Variants in RAP1A observed in about 807,000 individuals in gnomAD.
RAP1A encodes the protein RAP1A, member of RAS oncogene family, also known as ras-related protein Rap-1A.
In RAP1A, 6 loss-of-function variants were observed where a neutral mutation model predicts 26.4. That is an observed-to-expected ratio of 0.23 (90% CI 0.12 to 0.45). RAP1A has a LOEUF of 0.45. RAP1A is among the 20% of genes least tolerant of loss of function. The probability of loss-of-function intolerance (pLI) is 0.99; values close to 1 mark genes in which losing one functional copy is unlikely to be tolerated. For synonymous variants in RAP1A, 73 were observed against 79.4 expected, an observed-to-expected ratio of 0.92 and a Z score of 0.43; for missense variants, 121 against 217.2, an observed-to-expected ratio of 0.56 and a Z score of 2.78.
intron 1 of RAP1A, among the ~76,000 whole-genome samples, chr1:111,672,876 GT>G (rs1661017268): frequency 6.6e-6 from 1 of 152,106 alleles, no homozygotes; most frequent in Non-Finnish European, 1.5e-5. Flanking sequence ...TTCCCACTGT[GT>G]TTGGCATTCA....
intron 1 of RAP1A, among the ~76,000 whole-genome samples, chr1:111,548,605 G>T (rs1319393205): frequency 6.6e-6 from 1 of 152,184 alleles, no homozygotes; most frequent in Non-Finnish European, 1.5e-5. Flanking sequence ...ATTGACTATT[G>T]TTTCTGCTGT....
At chr1:111,620,077 G>T in intron 1 of RAP1A, 143 bp downstream of exon 1, 1 of 392,910 alleles carries the variant, frequency 2.5e-6, no homozygotes, top group Non-Finnish European at 4.5e-6. Flanking sequence ...TGTCGGGGCG[G>T]CGGCCCGGGG....
chr1:111,666,948 A>AGATAGGGATATGGAGCAG (rs1356680210), intron 1 of RAP1A, among the ~76,000 whole-genome samples: 22 of 152,358 alleles, frequency 1.4e-4, no homozygotes, highest in African/African-American at 5.3e-4. Flanking sequence ...ATATGGAGCA[A>AGATAGGGATATGGAGCAG]GATGAAGTGG....
At chr1:111,687,208 ATTT>A (rs35277322) in intron 1 of RAP1A, among the ~76,000 whole-genome samples, 18 of 131,278 alleles carry the variant, frequency 1.4e-4, no homozygotes, top group East Asian at 1.1e-3. Context: ...ATTGAGTTGA[ATTT>A]TTTTTTTTTT....
chr1:111,557,558 A>C (rs79302430), intron 1 of RAP1A, among the ~76,000 whole-genome samples: 15,953 of 151,798 alleles, frequency 0.11, 2,121 homozygotes, highest in African/African-American at 0.31. Context: ...AAAAAAAAAA[A>C]CTTACAAAAA....
At chr1:111,581,941 C>G (rs1658265410) in intron 1 of RAP1A, among the ~76,000 whole-genome samples, 1 of 152,204 alleles carries the variant, frequency 6.6e-6, no homozygotes, top group Non-Finnish European at 1.5e-5. Flanking sequence ...GAGATATTAG[C>G]TCCATTAACT....
At chr1:111,638,665 A>G (rs1172125980) in intron 1 of RAP1A, among the ~76,000 whole-genome samples, 2 of 152,122 alleles carry the variant, frequency 1.3e-5, no homozygotes, top group Admixed American at 6.5e-5. Flanking sequence ...GGCTCAAGCC[A>G]TTCACCCACC....
At chr1:111,633,287 A>G (rs1466053041) in intron 1 of RAP1A, among the ~76,000 whole-genome samples, 1 of 152,208 alleles carries the variant, frequency 6.6e-6, no homozygotes, top group Non-Finnish European at 1.5e-5. Context: ...CATTCTAATC[A>G]TACAGTTGAT....
intron 1 of RAP1A, among the ~76,000 whole-genome samples, chr1:111,610,533 AACAC>A (rs71099922): frequency 0.096 from 13,632 of 141,698 alleles, 802 homozygotes; most frequent in South Asian, 0.11. Context: ...CCCTCCACCC[AACAC>A]ACACACACAC....
At chr1:111,662,922 G>C (rs1045157960) in intron 1 of RAP1A, among the ~76,000 whole-genome samples, 14 of 152,042 alleles carry the variant, frequency 9.2e-5, no homozygotes, top group African/African-American at 3.1e-4. Flanking sequence ...TGTTGTTGTT[G>C]TTGTTGTGTT....
chr1:111,631,427 T>A (rs1272688699), intron 1 of RAP1A, among the ~76,000 whole-genome samples: 1 of 152,182 alleles, frequency 6.6e-6, no homozygotes, highest in Non-Finnish European at 1.5e-5. Flanking sequence ...TGTTTTTGAG[T>A]GTAGACCCCT....
intron 4 of RAP1A, among the ~76,000 whole-genome samples, chr1:111,699,894 T>C (rs1324574152): frequency 2.0e-5 from 3 of 152,188 alleles, no homozygotes; most frequent in African/African-American, 7.2e-5. Flanking sequence ...GGTCCATCAT[T>C]TATAATTCTC....
At chr1:111,590,024 C>T (rs1658439713) in intron 1 of RAP1A, among the ~76,000 whole-genome samples, 1 of 152,212 alleles carries the variant, frequency 6.6e-6, no homozygotes, top group Non-Finnish European at 1.5e-5. Flanking sequence ...TCTACCTCAG[C>T]CTCCCAAAGA....
chr1:111,627,777 A>AT (rs71580583), intron 1 of RAP1A, among the ~76,000 whole-genome samples: 7,435 of 147,262 alleles, frequency 0.05, 235 homozygotes, highest in South Asian at 0.13. Context: ...GAATTTCAGC[A>AT]TTTTTTTTTT....
rs1474572091 is a variant in RAP1A at position 111,607,857 on chromosome 1, G to A, written c.-28+65348G>A. On this transcript the variant is annotated intron_variant, in intron 1 of 7. Coordinates refer to the RAP1A transcript ENST00000356415. ...TCCCTCCCGGACGGGGCGGCTGGCC[G>A]GGCGGGGCCTGACCCCCCCCACCTC... 2.7e-5 allele frequency among the ~76,000 whole-genome samples: 3 copies of A among 110,928 alleles called. 1 individual carries two copies. The highest frequency in any genetic ancestry group is 1.8e-4 in the Admixed American group (2 of 10,950). The allele number at this position is 110,928 out of a possible 152,430, so 72.8% of individuals were successfully genotyped here. A position where few individuals can be genotyped will look rare whatever the true frequency, so the allele number is the denominator to read the frequency against.
chr1:111,637,347 T>C (rs948569937), intron 1 of RAP1A, among the ~76,000 whole-genome samples: 1 of 152,220 alleles, frequency 6.6e-6, no homozygotes, highest in Admixed American at 6.5e-5. Flanking sequence ...TTAGACATTA[T>C]TTCTCAGCCT....
Position 111,549,375 on chromosome 1 carries a change from A to G in RAP1A, c.-28+6866A>G, listed in dbSNP as rs148610960. Among the ~76,000 whole-genome samples the G allele has an allele frequency of 9.4e-3, 1,337 of 142,382 alleles. 20 individuals carry two copies. Among genetic ancestry groups the G allele is most frequent in the African/African-American group, 0.033 (1,267 of 37,948 alleles). The allele number at this position is 142,382 out of a possible 152,430, so 93.4% of individuals were successfully genotyped here. A position where few individuals can be genotyped will look rare whatever the true frequency, so the allele number is the denominator to read the frequency against. ...CTTTTAAAACATGGTCGGGCTGGGCACGGTGGCTCACGCTTGTAATCCCAG... is the reference window on the plus strand; with the variant it reads ...CTTTTAAAACATGGTCGGGCTGGGCGCGGTGGCTCACGCTTGTAATCCCAG... On this transcript the variant is annotated intron_variant, in intron 1 of 7. Coordinates refer to the RAP1A transcript ENST00000356415.
At chr1:111,647,755 CTGG>C (rs1660117294) in intron 1 of RAP1A, among the ~76,000 whole-genome samples, 1 of 150,668 alleles carries the variant, frequency 6.6e-6, no homozygotes, top group African/African-American at 2.4e-5. Flanking sequence ...GAGGTCCAAG[CTGG>C]TCTCAAACTC....
chr1:111,663,000 G>A (rs762584874), intron 1 of RAP1A, among the ~76,000 whole-genome samples: 4 of 152,118 alleles, frequency 2.6e-5, no homozygotes, highest in Non-Finnish European at 5.9e-5. Flanking sequence ...TGTAACCTCC[G>A]ACTCCCTGAT....
Sources: allele counts gnomAD v4.1 joint callset (sites outside exome capture counted in the v4.1 genomes callset), GRCh38; gene constraint gnomAD v4.1.1; transcripts MANE v1.5; gene names NCBI Gene and HGNC (gene_info 2026-07-23, HGNC 2026-07-21).